Variants in FRMD4A observed in about 807,000 individuals in gnomAD.
FRMD4A encodes the protein FERM domain containing 4A.
FRMD4A carries 29 observed loss-of-function variants against 129.1 expected under a neutral mutation model. The observed-to-expected ratio is 0.22, with a 90% CI of 0.17 to 0.31. FRMD4A has a LOEUF of 0.31. Ranked by LOEUF, FRMD4A falls within the 10% of genes least tolerant of loss-of-function variation. The probability of loss-of-function intolerance (pLI) is 1.00; values close to 1 mark genes in which losing one functional copy is unlikely to be tolerated. For missense variants in FRMD4A, 1,272 were observed against 1,375.8 expected (o/e 0.92, Z 1.19); for synonymous variants, 634 against 571.6 (o/e 1.11, Z -1.56).
At chr10:13,789,363 A>G (rs2092940203) in intron 5 of FRMD4A, among the ~76,000 whole-genome samples, 1 of 151,872 alleles carries the variant, frequency 6.6e-6, no homozygotes, top group African/African-American at 2.4e-5. Flanking sequence ...CTCCTCTCTT[A>G]TTTTTTTGCT....
chr10:13,652,069 T>C lies in FRMD4A; in HGVS notation c.3051-95A>G, dbSNP rs190441085. On this transcript the variant is annotated intron_variant, in intron 23 of 24. Coordinates refer to ENST00000357447, the MANE Select transcript of FRMD4A (RefSeq NM_018027.5). ...AGACACGATTAGTAGCTTATTAATA[T>C]ATCCGAAAGGCTTGCTGATTAGACA... 20 of 778,560 alleles carry C rather than the reference T, an allele frequency of 2.6e-5. No homozygotes were observed. In the East Asian group the frequency reaches 2.7e-4, roughly 10 times the overall value. The allele number at this position is 778,560 out of a possible 1,614,324, so 48.2% of individuals were successfully genotyped here.
At position 13,936,116 on chromosome 10, in the gene FRMD4A, G is replaced by C. The variant is rs552082836; in HGVS notation, c.46-77204C>G. Among the ~76,000 whole-genome samples the C allele has an allele frequency of 3.9e-5, 6 of 152,368 alleles. No individual in the cohort carries two copies. In the South Asian group the frequency reaches 1.0e-3, roughly 26 times the overall value. On this transcript the variant is annotated intron_variant, in intron 2 of 24. Transcript: ENST00000357447. ...ATATTGAATAAGATAAACAAAAGTG[G>C]ATATAATTCTTACCCTTTAGGTGCT... is the stretch of plus-strand genomic sequence containing the variant.
chr10:13,912,684 T>C (rs1047395852), intron 2 of FRMD4A, among the ~76,000 whole-genome samples: 4 of 151,842 alleles, frequency 2.6e-5, no homozygotes, highest in African/African-American at 9.7e-5. Context: ...GCCACCACCA[T>C]GCCCGGCTAA....
intron 2 of FRMD4A, among the ~76,000 whole-genome samples, chr10:14,246,211 A>C (rs890262881): frequency 1.1e-4 from 17 of 152,308 alleles, no homozygotes; most frequent in African/African-American, 4.1e-4. Flanking sequence ...TTAAAGAATT[A>C]GGTCTTCAAT....
chr10:13,701,104 C>T (rs1003632170), intron 14 of FRMD4A, among the ~76,000 whole-genome samples: 21 of 152,214 alleles, frequency 1.4e-4, no homozygotes, highest in Admixed American at 5.9e-4. Context: ...CTGCAGTCAG[C>T]GGCTTGAGCG....
intron 2 of FRMD4A, among the ~76,000 whole-genome samples, chr10:14,204,635 T>G (rs1842729080): frequency 1.3e-5 from 2 of 152,226 alleles, no homozygotes; most frequent in South Asian, 2.1e-4. Context: ...CATGGGGCCC[T>G]TAGCTGCCTT....
At chr10:14,266,664 G>T (rs1844991646) in intron 2 of FRMD4A, among the ~76,000 whole-genome samples, 1 of 152,100 alleles carries the variant, frequency 6.6e-6, no homozygotes, top group Non-Finnish European at 1.5e-5. Context: ...AAAAATGGGA[G>T]GAGAAAAAAT....
At chr10:13,708,690 G>T (rs557969571) in intron 12 of FRMD4A, among the ~76,000 whole-genome samples, 1 of 152,180 alleles carries the variant, frequency 6.6e-6, no homozygotes, top group Admixed American at 6.5e-5. Flanking sequence ...GCGCCTTAGC[G>T]GAGTCTATTA....
chr10:13,978,539 G>A (rs1298620927), intron 2 of FRMD4A, among the ~76,000 whole-genome samples: 3 of 152,094 alleles, frequency 2.0e-5, no homozygotes, highest in African/African-American at 7.2e-5. Flanking sequence ...AATAGCACTG[G>A]TACGGCTAAC....
intron 2 of FRMD4A, among the ~76,000 whole-genome samples, chr10:14,282,525 G>A (rs1411901814): frequency 3.3e-5 from 5 of 152,160 alleles, no homozygotes; most frequent in African/African-American, 1.2e-4. Context: ...GAGGGATGGG[G>A]AAACTAATAA....
At chr10:14,159,969 G>C (rs1840798110) in intron 2 of FRMD4A, among the ~76,000 whole-genome samples, 1 of 152,152 alleles carries the variant, frequency 6.6e-6, no homozygotes, top group Non-Finnish European at 1.5e-5. Context: ...AGAACTGCTT[G>C]AACCTGGGAG....
intron 6 of FRMD4A, among the ~76,000 whole-genome samples, chr10:13,771,574 G>A (rs1047576101): frequency 1.3e-5 from 2 of 152,104 alleles, no homozygotes; most frequent in African/African-American, 4.8e-5. Context: ...TCTGAGCATC[G>A]GCTATGTGCC....
At chr10:14,254,005 C>T (rs1417102570) in intron 2 of FRMD4A, among the ~76,000 whole-genome samples, 2 of 152,196 alleles carry the variant, frequency 1.3e-5, no homozygotes, top group Non-Finnish European at 2.9e-5. Flanking sequence ...ACTAACCTCT[C>T]ATGACTCTCC....
At chr10:14,027,081 C>A (rs940601617) in intron 2 of FRMD4A, among the ~76,000 whole-genome samples, 1 of 152,212 alleles carries the variant, frequency 6.6e-6, no homozygotes, top group Non-Finnish European at 1.5e-5. Flanking sequence ...TCCCCTCAAG[C>A]ATTTATCCTT....
intron 2 of FRMD4A, among the ~76,000 whole-genome samples, chr10:14,045,899 A>C (rs1240384187): frequency 6.8e-6 from 1 of 147,176 alleles, no homozygotes; most frequent in Non-Finnish European, 1.5e-5. Flanking sequence ...TGATAGTAAA[A>C]CTATATTATA....
At chr10:13,788,456 C>T (rs1048543770) in intron 5 of FRMD4A, among the ~76,000 whole-genome samples, 1 of 152,244 alleles carries the variant, frequency 6.6e-6, no homozygotes, top group Admixed American at 6.5e-5. Context: ...CATGGCCCTG[C>T]GTGGCATGGT....
At chr10:13,760,456 T>G (rs997795633) in intron 8 of FRMD4A, among the ~76,000 whole-genome samples, 2 of 151,730 alleles carry the variant, frequency 1.3e-5, no homozygotes, top group Non-Finnish European at 2.9e-5. Flanking sequence ...GAGCTGGAGG[T>G]TACAGTGAGA....
At chr10:14,027,823 G>C (rs1833053415) in intron 2 of FRMD4A, among the ~76,000 whole-genome samples, 1 of 152,186 alleles carries the variant, frequency 6.6e-6, no homozygotes, top group African/African-American at 2.4e-5. Context: ...GTTTCCAAAG[G>C]AGAGAAATTG....
At chr10:14,223,114 A>G (rs1458390305) in intron 2 of FRMD4A, among the ~76,000 whole-genome samples, 3 of 152,108 alleles carry the variant, frequency 2.0e-5, no homozygotes, top group Non-Finnish European at 2.9e-5. Context: ...AACAATAACA[A>G]CAACAACAAA....
Sources: gnomAD v4.1 joint callset for allele counts (sites outside exome capture counted in the v4.1 genomes callset) on GRCh38, gnomAD v4.1.1 for gene constraint, MANE v1.5 for transcripts, NCBI Gene and HGNC (gene_info 2026-07-23, HGNC 2026-07-21) for gene names.